The following LCMT1 variants were observed in gnomAD, a reference collection of about 807,000 sequenced individuals.
The protein encoded by LCMT1 is leucine carboxyl methyltransferase 1.
In LCMT1, 32 loss-of-function variants were observed where a neutral mutation model predicts 47.7. The observed-to-expected ratio is 0.67, with a 90% CI of 0.51 to 0.90. The LOEUF is 0.90. Among genes scored for constraint, LCMT1 ranks in the 40% least tolerant of loss-of-function variants. LCMT1 has a pLI of 0.00. For synonymous variants in LCMT1, 152 were observed against 149.7 expected, an observed-to-expected ratio of 1.02 and a Z score of -0.11; for missense variants, 375 against 415.2, an observed-to-expected ratio of 0.90 and a Z score of 0.84.
Position 25,157,493 on chromosome 16 carries a change from A to T in LCMT1, c.467-3609A>T, listed in dbSNP as rs1192640822. ...GGGGTCGAGGCTGTAATGAGCCATG[A>T]TCGTGCCACCGCACTGCAACCTGGG... On this transcript the variant is annotated intron_variant, in intron 5 of 10. Transcript: ENST00000399069. 2.0e-5 allele frequency among the ~76,000 whole-genome samples: 3 copies of T among 152,036 alleles called. No homozygotes were observed. The South Asian group carries it at 6.2e-4, about 32-fold the overall frequency.
intron 1 of LCMT1, among the ~76,000 whole-genome samples, chr16:25,127,279 G>A (rs1960218714): frequency 6.6e-6 from 1 of 152,152 alleles, no homozygotes; most frequent in African/African-American, 2.4e-5. Flanking sequence ...TTGTATTAAT[G>A]GGTCATGACT....
At chr16:25,121,807 G>A (rs1362705133) in intron 1 of LCMT1, among the ~76,000 whole-genome samples, 1 of 152,190 alleles carries the variant, frequency 6.6e-6, no homozygotes, top group Admixed American at 6.5e-5. Context: ...TTGACATGTA[G>A]GGATTATGGG....
intron 5 of LCMT1, among the ~76,000 whole-genome samples, chr16:25,160,052 G>T (rs1028410783): frequency 6.6e-6 from 1 of 150,966 alleles, no homozygotes; most frequent in Non-Finnish European, 1.5e-5. Flanking sequence ...TGCAACCTCC[G>T]CTTCCCAGGT....
chr16:25,138,890 T>A (rs1375111585), intron 3 of LCMT1, among the ~76,000 whole-genome samples: 3 of 152,212 alleles, frequency 2.0e-5, no homozygotes, highest in Non-Finnish European at 4.4e-5. Context: ...CTCATTAATC[T>A]TCACAACCCC....
chr16:25,117,589 C>G lies in LCMT1; in HGVS notation c.113+5593C>G, dbSNP rs1035636365. 2.6e-5 allele frequency among the ~76,000 whole-genome samples: 4 copies of G among 152,238 alleles called. 1 individual carries two copies. Among genetic ancestry groups the G allele is most frequent in the Middle Eastern group, 6.8e-3 (2 of 294 alleles). On this transcript the variant is annotated intron_variant, in intron 1 of 10. Transcript: ENST00000399069. ...CAAGTTAAGGCCTGGTGCGGTGGCT[C>G]ACACCTGTAATCCCAGCACTTTCGG...
intron 5 of LCMT1, among the ~76,000 whole-genome samples, chr16:25,160,272 G>A (rs997009119): frequency 6.7e-5 from 10 of 149,150 alleles, no homozygotes; most frequent in African/African-American, 2.5e-4. Flanking sequence ...TTCTGCTAGT[G>A]AAAGATGTAG....
intron 4 of LCMT1, among the ~76,000 whole-genome samples, chr16:25,148,550 G>A (rs1366969418): frequency 6.6e-6 from 1 of 152,200 alleles, no homozygotes; most frequent in Non-Finnish European, 1.5e-5. Flanking sequence ...TCCTGCACGG[G>A]TGTCTGTTCA....
At chr16:25,149,910 C>CAAA (rs34229848) in intron 4 of LCMT1, among the ~76,000 whole-genome samples, 51 of 59,954 alleles carry the variant, frequency 8.5e-4, no homozygotes, top group Admixed American at 1.3e-3. Context: ...AAGACTGTCT[C>CAAA]AAAAAAAAAA....
At chr16:25,124,994 G>A (rs1031897051) in intron 1 of LCMT1, among the ~76,000 whole-genome samples, 2 of 152,182 alleles carry the variant, frequency 1.3e-5, no homozygotes, top group South Asian at 2.1e-4. Context: ...GAAACTGAAA[G>A]CATTTATGGA....
chr16:25,122,433 C>G (rs774173184), intron 1 of LCMT1, among the ~76,000 whole-genome samples: 1 of 152,172 alleles, frequency 6.6e-6, no homozygotes, highest in Non-Finnish European at 1.5e-5. Context: ...CTCACCCTCC[C>G]GAGTAGCTGG....
intron 7 of LCMT1, among the ~76,000 whole-genome samples, chr16:25,167,460 G>T (rs1427722025): frequency 2.0e-5 from 3 of 151,752 alleles, no homozygotes; most frequent in Admixed American, 2.0e-4. Flanking sequence ...AGGACTGTAG[G>T]TGCACACCAC....
chr16:25,150,448 G>A (rs1425605296), intron 4 of LCMT1, among the ~76,000 whole-genome samples: 3 of 144,678 alleles, frequency 2.1e-5, no homozygotes, highest in African/African-American at 5.1e-5. Context: ...AGGTGCAAGC[G>A]ATTCTCCTGC....
At chr16:25,152,954 G>T (rs186811260) in intron 5 of LCMT1, among the ~76,000 whole-genome samples, 2 of 152,260 alleles carry the variant, frequency 1.3e-5, no homozygotes, top group Admixed American at 6.5e-5. Flanking sequence ...AGTTAAAGGG[G>T]TTTATTAGTA....
At chr16:25,148,228 C>T (rs1252377458) in intron 4 of LCMT1, 1 of 152,262 alleles carries the variant, frequency 6.6e-6, no homozygotes, top group East Asian at 1.9e-4. Context: ...CCAGGTTCTA[C>T]TGACCAGTGT....
At chr16:25,157,652 A>G (rs1428807978) in intron 5 of LCMT1, among the ~76,000 whole-genome samples, 1 of 152,260 alleles carries the variant, frequency 6.6e-6, no homozygotes, top group Non-Finnish European at 1.5e-5. Context: ...CGCTGTAACA[A>G]ACTGCTGCAA....
intron 1 of LCMT1, among the ~76,000 whole-genome samples, chr16:25,125,303 T>C (rs557664597): frequency 6.6e-6 from 1 of 152,252 alleles, no homozygotes; most frequent in African/African-American, 2.4e-5. Context: ...TTAGGTTTGT[T>C]CACCTGATAC....
At chr16:25,126,540 A>G (rs989541050) in intron 1 of LCMT1, among the ~76,000 whole-genome samples, 5 of 151,784 alleles carry the variant, frequency 3.3e-5, no homozygotes, top group African/African-American at 1.2e-4. Context: ...ATTCCTCATC[A>G]TCTTGTAATT....
chr16:25,112,416 C>T (rs778559597), intron 1 of LCMT1, among the ~76,000 whole-genome samples: 41 of 152,306 alleles, frequency 2.7e-4, no homozygotes, highest in Non-Finnish European at 5.9e-4. Flanking sequence ...GCACCTGAAA[C>T]TCAGGATGAC....
intron 1 of LCMT1, among the ~76,000 whole-genome samples, chr16:25,119,566 G>A (rs1298302574): frequency 6.6e-6 from 1 of 152,050 alleles, no homozygotes; most frequent in African/African-American, 2.4e-5. Flanking sequence ...AAAGCAGACC[G>A]GGGCTTATAA....
Sources: allele counts gnomAD v4.1 joint callset (sites outside exome capture counted in the v4.1 genomes callset), GRCh38; gene constraint gnomAD v4.1.1; transcripts MANE v1.5; gene names NCBI Gene and HGNC (gene_info 2026-07-23, HGNC 2026-07-21).